Variants in CELF2 observed in about 807,000 individuals in gnomAD.
CELF2 encodes the protein CUG triplet repeat RNA-binding protein 2.
CELF2 carries 8 observed loss-of-function variants against 62.6 expected under a neutral mutation model. That is an observed-to-expected ratio of 0.13 (90% confidence interval 0.07 to 0.23). CELF2 has a LOEUF of 0.23. Ranked by LOEUF, CELF2 falls within the 10% of genes least tolerant of loss-of-function variation. CELF2 has a pLI of 1.00. For missense variants in CELF2, 333 were observed against 671.0 expected (o/e 0.50, Z 5.56); for synonymous variants, 258 against 250.0 (o/e 1.03, Z -0.30).
chr10:11,088,669 G>A (rs188831926), intron 1 of CELF2, among the ~76,000 whole-genome samples: 20 of 152,316 alleles, frequency 1.3e-4, no homozygotes, highest in Admixed American at 7.2e-4. Flanking sequence ...GTTGGGTGTG[G>A]TGGGTACTGC....
At chr10:11,113,195 G>A (rs1410120002) in intron 1 of CELF2, among the ~76,000 whole-genome samples, 1 of 152,222 alleles carries the variant, frequency 6.6e-6, no homozygotes, top group Non-Finnish European at 1.5e-5. Context: ...AACCTGGATA[G>A]TGATTCTTGC....
chr10:10,649,695 T>C, the CELF2 span, among the ~76,000 whole-genome samples: 1 of 152,324 alleles, frequency 6.6e-6, no homozygotes, highest in East Asian at 1.9e-4. Flanking sequence ...AAGAGGCAAG[T>C]GAATTCCCAG....
the CELF2 span, among the ~76,000 whole-genome samples, chr10:10,698,962 A>G: frequency 5.1e-4 from 77 of 152,168 alleles, no homozygotes; most frequent in African/African-American, 1.8e-3. Flanking sequence ...TGTACATATC[A>G]TACATAATTA....
the CELF2 span, among the ~76,000 whole-genome samples, chr10:10,640,418 C>A: frequency 6.6e-6 from 1 of 152,220 alleles, no homozygotes; most frequent in Non-Finnish European, 1.5e-5. Context: ...TCAAGACTTT[C>A]CCAATTGTTA....
the CELF2 span, among the ~76,000 whole-genome samples, chr10:10,545,543 G>A: frequency 0.26 from 40,204 of 152,050 alleles, 5,808 homozygotes; most frequent in African/African-American, 0.37. Context: ...ACATTATTCT[G>A]GAAAATGCGG....
At chr10:10,904,757 C>G (rs1312003494) in intron 1 of CELF2, among the ~76,000 whole-genome samples, 2 of 152,164 alleles carry the variant, frequency 1.3e-5, no homozygotes, top group Non-Finnish European at 2.9e-5. Flanking sequence ...TACAGTTTTA[C>G]CCCATACCCT....
chr10:11,022,155 GAA>G (rs1052716361), intron 1 of CELF2, among the ~76,000 whole-genome samples: 1 of 152,132 alleles, frequency 6.6e-6, no homozygotes, highest in African/African-American at 2.4e-5. Context: ...ATTAAAATGA[GAA>G]AAGTCTAAAG....
rs2096043528 is a variant in CELF2 at position 11,332,368 on chromosome 10, T to C, written c.*3315T>C. ...TATGCTGGGGCATCTCTGATCCCAGTAGGTACCTCTGAATATACCAGGTGT... is the reference window on the plus strand; with the variant it reads ...TATGCTGGGGCATCTCTGATCCCAGCAGGTACCTCTGAATATACCAGGTGT... On this transcript the variant is annotated 3_prime_UTR_variant, in exon 13 of 13. Transcript: ENST00000633077. 1 of 152,354 alleles carries C rather than the reference T, an allele frequency of 6.6e-6. No homozygotes were observed. Among genetic ancestry groups the C allele is most frequent in the South Asian group, 2.1e-4 (1 of 4,836 alleles). 9.4% of individuals were successfully genotyped at this position (152,354 alleles called of 1,614,324 possible). A position where few individuals can be genotyped will look rare whatever the true frequency, so the allele number is the denominator to read the frequency against.
chr10:10,811,034 A>T (rs2055826831), intron 1 of CELF2, among the ~76,000 whole-genome samples: 1 of 152,164 alleles, frequency 6.6e-6, no homozygotes, highest in Non-Finnish European at 1.5e-5. Flanking sequence ...CAGTATCAAA[A>T]TGTCTCCTCG....
At chr10:11,295,228 A>G (rs2093027670) in intron 9 of CELF2, among the ~76,000 whole-genome samples, 1 of 152,152 alleles carries the variant, frequency 6.6e-6, no homozygotes, top group African/African-American at 2.4e-5. Flanking sequence ...CATTCATTCA[A>G]CAAATATGTA....
intron 1 of CELF2, among the ~76,000 whole-genome samples, chr10:10,868,159 A>C (rs2060501760): frequency 6.6e-6 from 1 of 152,184 alleles, no homozygotes; most frequent in Non-Finnish European, 1.5e-5. Flanking sequence ...CGGTGAAATG[A>C]CAGTTGATTA....
intron 9 of CELF2, among the ~76,000 whole-genome samples, chr10:11,301,976 G>T (rs954646334): frequency 6.6e-6 from 1 of 152,146 alleles, no homozygotes; most frequent in African/African-American, 2.4e-5. Flanking sequence ...CGCTGGAACC[G>T]CCTGCCCCTC....
intron 1 of CELF2, among the ~76,000 whole-genome samples, chr10:10,897,440 T>C (rs908923102): frequency 2.0e-5 from 3 of 152,086 alleles, no homozygotes; most frequent in African/African-American, 7.2e-5. Flanking sequence ...TTATTGCTTA[T>C]GGCAAAATGA....
At chr10:11,176,715 C>G in intron 2 of CELF2, among the ~76,000 whole-genome samples, 1 of 152,318 alleles carries the variant, frequency 6.6e-6, no homozygotes. Context: ...CAGATGTTCT[C>G]TCTGCCACAG....
rs560436906 is a variant in CELF2, at chr10:11,047,238, T to G, written c.74+29075T>G. 1.0e-3 allele frequency among the ~76,000 whole-genome samples: 154 copies of G among 152,304 alleles called. 1 individual carries two copies. Among genetic ancestry groups the G allele is most frequent in the African/African-American group, 3.5e-3 (147 of 41,568 alleles). On this transcript the variant is annotated intron_variant, in intron 1 of 12. Coordinates refer to ENST00000633077, the MANE Select transcript of CELF2 (RefSeq NM_001326342.2). ...GTAAATATCTTTTCCACTAAATTTCTGAGTATAATTTTAGTGCTTTACTCA... is the reference window on the plus strand; with the variant it reads ...GTAAATATCTTTTCCACTAAATTTCGGAGTATAATTTTAGTGCTTTACTCA...
chr10:11,048,925 G>A (rs1003933950), intron 1 of CELF2, among the ~76,000 whole-genome samples: 8 of 152,156 alleles, frequency 5.3e-5, no homozygotes, highest in East Asian at 1.9e-4. Flanking sequence ...AATTGTCAGG[G>A]AAACAGAAAT....
At chr10:10,509,804 G>A in the CELF2 span, among the ~76,000 whole-genome samples, 9 of 152,262 alleles carry the variant, frequency 5.9e-5, no homozygotes, top group Middle Eastern at 6.8e-3. Flanking sequence ...CACTGTAGTC[G>A]CTTTGCAGAA....
Position 11,305,472 on chromosome 10 carries a change from C to A in CELF2, c.977-8667C>A, listed in dbSNP as rs866423822. Among the ~76,000 whole-genome samples, 2 of 152,164 alleles carry A rather than the reference C, an allele frequency of 1.3e-5. No homozygotes were observed. Among genetic ancestry groups the A allele is most frequent in the South Asian group, 2.1e-4 (1 of 4,836 alleles). ...GCGCAGGAAAGACTCCAGTCTAGTT[C>A]ACAGTTTGCCTGGGAGGATCCCACC... On this transcript the variant is annotated intron_variant, in intron 9 of 12. Transcript: ENST00000633077. The surrounding 1 kb of genome is among the most constrained non-coding windows in gnomAD (Gnocchi z 4.8).
intron 1 of CELF2, among the ~76,000 whole-genome samples, chr10:11,108,547 A>G (rs767647781): frequency 3.9e-5 from 6 of 152,244 alleles, no homozygotes; most frequent in Admixed American, 2.0e-4. Context: ...CAGTGAATGC[A>G]CATATCCCCT....
Sources: allele counts gnomAD v4.1 joint callset (sites outside exome capture counted in the v4.1 genomes callset), GRCh38; gene constraint gnomAD v4.1.1; non-coding constraint Gnocchi (gnomAD v3.1); transcripts MANE v1.5; gene names NCBI Gene and HGNC (gene_info 2026-07-23, HGNC 2026-07-21).